Variants in FSHR observed in about 807,000 individuals in gnomAD.
FSHR encodes the protein follicle stimulating hormone receptor.
FSHR carries 46 observed loss-of-function variants against 52.1 expected under a neutral mutation model. The observed-to-expected ratio is 0.88, with a 90% CI of 0.70 to 1.13. The LOEUF (loss-of-function observed/expected upper bound fraction) is 1.13. Ranked by LOEUF, FSHR falls within the 50% of genes most tolerant of loss-of-function variation. FSHR has a pLI of 0.00. For synonymous variants in FSHR, 399 were observed against 309.6 expected, an observed-to-expected ratio of 1.29 and a Z score of -3.03; for missense variants, 964 against 834.6, an observed-to-expected ratio of 1.16 and a Z score of -1.91.
At position 49,126,478 on chromosome 2, in the gene FSHR, C is replaced by G. The variant is rs199943222; in HGVS notation, c.152+27788G>C. Among the ~76,000 whole-genome samples, 3 of 152,284 alleles carry G rather than the reference C, an allele frequency of 2.0e-5. No homozygotes were observed. The East Asian group carries it at 5.8e-4, about 29-fold the overall frequency. On this transcript the variant is annotated intron_variant, in intron 1 of 9. Transcript: ENST00000406846. ...ACTTCCCATTAGGCCCCACTTTATA[C>G]CATTGTTGCACTGGGGATTAAGTTT...
At chr2:49,084,412 A>G (rs1313687212) in intron 1 of FSHR, among the ~76,000 whole-genome samples, 2 of 152,212 alleles carry the variant, frequency 1.3e-5, no homozygotes, top group African/African-American at 4.8e-5. Context: ...CACAGTTGAC[A>G]CCCTAACATC....
chr2:48,973,602 C>T (rs1213165848), intron 8 of FSHR, among the ~76,000 whole-genome samples: 1 of 152,244 alleles, frequency 6.6e-6, no homozygotes, highest in Non-Finnish European at 1.5e-5. Flanking sequence ...TGTATACTTT[C>T]TGCCTCTTTT....
chr2:49,124,714 A>G (rs1671940351), intron 1 of FSHR, among the ~76,000 whole-genome samples: 1 of 152,172 alleles, frequency 6.6e-6, no homozygotes, highest in Admixed American at 6.5e-5. Context: ...CATGTATGTG[A>G]TCCATCAACT....
intron 1 of FSHR, among the ~76,000 whole-genome samples, chr2:49,073,297 T>C (rs752867048): frequency 3.9e-5 from 6 of 152,100 alleles, no homozygotes; most frequent in Non-Finnish European, 8.8e-5. Context: ...CATGATCTTA[T>C]ATACAGAAGA....
intron 6 of FSHR, among the ~76,000 whole-genome samples, chr2:48,986,186 C>T (rs1559101509): frequency 6.6e-6 from 1 of 152,138 alleles, no homozygotes; most frequent in Non-Finnish European, 1.5e-5. Flanking sequence ...TCCATGTGTT[C>T]TCATTGTTTA....
At chr2:49,122,309 T>A (rs1036498420) in intron 1 of FSHR, among the ~76,000 whole-genome samples, 1 of 152,196 alleles carries the variant, frequency 6.6e-6, no homozygotes, top group East Asian at 1.9e-4. Context: ...CTGACAGAAC[T>A]GTCATCTTCC....
chr2:49,024,479 C>T (rs540398536), intron 2 of FSHR, among the ~76,000 whole-genome samples: 7 of 152,086 alleles, frequency 4.6e-5, no homozygotes, highest in Admixed American at 4.6e-4. Flanking sequence ...GAGGTTGAGG[C>T]AGGAGAATCA....
chr2:49,086,973 C>T (rs1164729284), intron 1 of FSHR, among the ~76,000 whole-genome samples: 2 of 150,214 alleles, frequency 1.3e-5, no homozygotes, highest in Non-Finnish European at 3.0e-5. Flanking sequence ...GTGATTTTCA[C>T]GTGTGGTCAA....
At chr2:49,096,079 A>C (rs1264895767) in intron 1 of FSHR, among the ~76,000 whole-genome samples, 1 of 152,200 alleles carries the variant, frequency 6.6e-6, no homozygotes, top group Non-Finnish European at 1.5e-5. Flanking sequence ...AAAGTTAAAC[A>C]TTGAGTTCCC....
Position 48,962,723 on chromosome 2 carries a change from A to T in FSHR, c.*10T>A, listed in dbSNP as rs777484817. The T allele has an allele frequency of 1.2e-6, 2 of 1,611,838 alleles. No homozygotes were observed. Among genetic ancestry groups the T allele is most frequent in the South Asian group, 1.1e-5 (1 of 91,038 alleles). On this transcript the variant is annotated 3_prime_UTR_variant, in exon 10 of 10. Coordinates refer to ENST00000406846, the MANE Select transcript of FSHR (RefSeq NM_000145.4). The stretch of plus-strand genomic sequence containing the variant: ...TCATTCAATACTCAGATACATTTTC[A>T]CATTGTGTTTTAGTTTTGGGCTAAA...
intron 9 of FSHR, among the ~76,000 whole-genome samples, chr2:48,967,000 G>A (rs1165923763): frequency 6.6e-6 from 1 of 152,210 alleles, no homozygotes; most frequent in Non-Finnish European, 1.5e-5. Context: ...GCTATGTCTA[G>A]AGGAGTCTGA....
intron 6 of FSHR, among the ~76,000 whole-genome samples, chr2:48,985,256 C>A (rs1362842528): frequency 6.6e-6 from 1 of 152,134 alleles, no homozygotes; most frequent in Non-Finnish European, 1.5e-5. Flanking sequence ...CAGGAAGCTA[C>A]AGAAGTGAAC....
intron 2 of FSHR, among the ~76,000 whole-genome samples, chr2:49,041,863 C>T (rs1209470444): frequency 6.6e-6 from 1 of 152,100 alleles, no homozygotes; most frequent in East Asian, 1.9e-4. Context: ...GTACCTTAAC[C>T]AGGCTGGGCA....
At chr2:49,067,881 G>T (rs1254948552) in intron 2 of FSHR, among the ~76,000 whole-genome samples, 1 of 151,852 alleles carries the variant, frequency 6.6e-6, no homozygotes. Flanking sequence ...AATCATAAAT[G>T]GTAGAAAGTA....
At chr2:49,094,888 T>G (rs1670763222) in intron 1 of FSHR, among the ~76,000 whole-genome samples, 1 of 152,018 alleles carries the variant, frequency 6.6e-6, no homozygotes, top group African/African-American at 2.4e-5. Context: ...TTGGACACTT[T>G]GATAAAACTA....
intron 2 of FSHR, among the ~76,000 whole-genome samples, chr2:49,059,077 T>C (rs1377075976): frequency 6.6e-6 from 1 of 151,998 alleles, no homozygotes; most frequent in Non-Finnish European, 1.5e-5. Flanking sequence ...TGGTGGCACA[T>C]GCCTGTAGTA....
chr2:49,026,480 G>T (rs1438947759), intron 2 of FSHR, among the ~76,000 whole-genome samples: 1 of 152,128 alleles, frequency 6.6e-6, no homozygotes, highest in Non-Finnish European at 1.5e-5. Flanking sequence ...ACAGAAGAGG[G>T]TGGCACACAG....
chr2:49,104,686 C>T (rs905246463), intron 1 of FSHR, among the ~76,000 whole-genome samples: 3 of 151,978 alleles, frequency 2.0e-5, no homozygotes, highest in East Asian at 3.9e-4. Flanking sequence ...TAAAGAGGAC[C>T]GAAGTTGCTT....
intron 1 of FSHR, among the ~76,000 whole-genome samples, chr2:49,136,366 A>G (rs1339384647): frequency 1.3e-5 from 2 of 152,158 alleles, no homozygotes; most frequent in African/African-American, 4.8e-5. Context: ...GATTAGAATT[A>G]GAAGCCAAAA....
Sources: allele counts gnomAD v4.1 joint callset (sites outside exome capture counted in the v4.1 genomes callset), GRCh38; gene constraint gnomAD v4.1.1; transcripts MANE v1.5; gene names NCBI Gene and HGNC (gene_info 2026-07-23, HGNC 2026-07-21).